CFAP299: variants seen among roughly 807,000 people sequenced by gnomAD.
CFAP299 encodes cilia and flagella associated protein 299.
In CFAP299, 21 loss-of-function variants were observed where a neutral mutation model predicts 27.0. The ratio of observed to expected loss-of-function variants is 0.78; its 90% CI spans 0.55 to 1.12. CFAP299 has a LOEUF of 1.12. Ranked by LOEUF, CFAP299 falls within the 50% of genes most tolerant of loss-of-function variation. The pLI, the probability that CFAP299 is intolerant of heterozygous loss-of-function variation, is 0.00. For missense variants in CFAP299, 310 were observed against 276.6 expected (o/e 1.12, Z -0.86); for synonymous variants, 104 against 98.1 (o/e 1.06, Z -0.36).
chr4:80,546,352 A>G (rs1734228382), intron 2 of CFAP299, among the ~76,000 whole-genome samples: 1 of 152,208 alleles, frequency 6.6e-6, no homozygotes, highest in Non-Finnish European at 1.5e-5. Context: ...TCAGAGCCAC[A>G]TCAGCAATGC....
chr4:80,823,607 T>C (rs562717551), intron 3 of CFAP299, among the ~76,000 whole-genome samples: 1 of 152,228 alleles, frequency 6.6e-6, no homozygotes, highest in Admixed American at 6.5e-5. Context: ...TTAAGGAGCA[T>C]CTTCAGGAAC....
rs546483817 is a variant in CFAP299 at position 80,794,909 on chromosome 4, G to C, written c.334-75084G>C. Among the ~76,000 whole-genome samples, 5 of 152,286 alleles carry C rather than the reference G, an allele frequency of 3.3e-5. No homozygotes were observed. The South Asian group carries it at 1.0e-3, about 32-fold the overall frequency. ...GGGCTCAGTGTTGGTATCTGCTGCT[G>C]GCAAATGGGGCACTCAACAGTGGCC... On this transcript the variant is annotated intron_variant, in intron 3 of 5. Coordinates refer to ENST00000358105, the MANE Select transcript of CFAP299 (RefSeq NM_152770.3).
intron 5 of CFAP299, among the ~76,000 whole-genome samples, chr4:80,950,634 G>A (rs147192143): frequency 6.6e-6 from 1 of 152,272 alleles, no homozygotes; most frequent in East Asian, 1.9e-4. Context: ...CACAAAACAT[G>A]AGGCTGTGAA....
At chr4:80,878,017 T>C (rs966243503) in intron 4 of CFAP299, among the ~76,000 whole-genome samples, 49 of 152,270 alleles carry the variant, frequency 3.2e-4, no homozygotes, top group African/African-American at 1.2e-3. Flanking sequence ...AACATCACCA[T>C]TATTTTAGAT....
chr4:80,934,340 T>C (rs1448597221), intron 4 of CFAP299, among the ~76,000 whole-genome samples: 2 of 152,134 alleles, frequency 1.3e-5, no homozygotes, highest in Admixed American at 6.6e-5. Flanking sequence ...AGAATTTTCA[T>C]CTATGTTTAT....
chr4:80,606,601 G>T (rs1461787499), intron 3 of CFAP299, among the ~76,000 whole-genome samples: 1 of 152,082 alleles, frequency 6.6e-6, no homozygotes, highest in Non-Finnish European at 1.5e-5. Context: ...ATGTACATTT[G>T]TTTCTTAAAG....
intron 2 of CFAP299, among the ~76,000 whole-genome samples, chr4:80,385,180 AT>A (rs2110024240): frequency 6.6e-6 from 1 of 152,248 alleles, no homozygotes; most frequent in South Asian, 2.1e-4. Flanking sequence ...TGTGCCATAC[AT>A]CTTGAGAGCT....
intron 4 of CFAP299, among the ~76,000 whole-genome samples, chr4:80,902,586 T>TATATACACACACACACAC (rs370673737): frequency 7.9e-6 from 1 of 126,674 alleles, no homozygotes; most frequent in African/African-American, 3.0e-5. Context: ...ATGTAATATA[T>TATATACACACACACACAC]ACACACACAC....
intron 2 of CFAP299, among the ~76,000 whole-genome samples, chr4:80,405,686 T>C (rs1388536351): frequency 6.6e-6 from 1 of 152,074 alleles, no homozygotes; most frequent in Admixed American, 6.6e-5. Context: ...ATATTAGTAT[T>C]TAAGCACATC....
At chr4:80,496,112 C>T (rs1731426642) in intron 2 of CFAP299, among the ~76,000 whole-genome samples, 1 of 152,198 alleles carries the variant, frequency 6.6e-6, no homozygotes, top group African/African-American at 2.4e-5. Context: ...ATTTCTCCAG[C>T]AAGTGGTGGC....
At chr4:80,554,752 T>C (rs934276047) in intron 2 of CFAP299, among the ~76,000 whole-genome samples, 1 of 152,136 alleles carries the variant, frequency 6.6e-6, no homozygotes, top group African/African-American at 2.4e-5. Flanking sequence ...TTTTATTTTT[T>C]GTGTGACAGT....
At chr4:80,888,689 G>A (rs1734091845) in intron 4 of CFAP299, among the ~76,000 whole-genome samples, 2 of 151,872 alleles carry the variant, frequency 1.3e-5, no homozygotes, top group Admixed American at 1.3e-4. Flanking sequence ...TCCTCTCATG[G>A]ATCATTCTCA....
At chr4:80,521,050 C>T (rs999847051) in intron 2 of CFAP299, among the ~76,000 whole-genome samples, 8 of 151,992 alleles carry the variant, frequency 5.3e-5, no homozygotes, top group African/African-American at 1.9e-4. Flanking sequence ...GAAACTTTTG[C>T]GATTAAAACA....
chr4:80,858,566 A>C (rs149196286), intron 3 of CFAP299, among the ~76,000 whole-genome samples: 21,967 of 151,434 alleles, frequency 0.15, 1,907 homozygotes, highest in Middle Eastern at 0.26. Flanking sequence ...ATTTCCCTCT[A>C]CACACTGCTT....
intron 4 of CFAP299, among the ~76,000 whole-genome samples, chr4:80,891,756 A>C (rs1578216853): frequency 1.2e-5 from 1 of 82,754 alleles, no homozygotes; most frequent in Admixed American, 1.2e-4. Flanking sequence ...CCTAAAACTT[A>C]GAGTATAATA....
chr4:80,783,926 G>A (rs1262908291), intron 3 of CFAP299, among the ~76,000 whole-genome samples: 2 of 146,896 alleles, frequency 1.4e-5, no homozygotes, highest in Non-Finnish European at 3.0e-5. Context: ...TGGTAACACC[G>A]TTTTACTCTC....
intron 3 of CFAP299, among the ~76,000 whole-genome samples, chr4:80,720,872 A>G (rs1055799419): frequency 6.6e-6 from 1 of 152,180 alleles, no homozygotes; most frequent in African/African-American, 2.4e-5. Flanking sequence ...TCCATATTCA[A>G]AAAATTAGAT....
At chr4:80,382,630 A>C (rs925357209) in intron 2 of CFAP299, among the ~76,000 whole-genome samples, 1 of 152,154 alleles carries the variant, frequency 6.6e-6, no homozygotes, top group Non-Finnish European at 1.5e-5. Flanking sequence ...CAAAACCACA[A>C]ATGAGAATAT....
At chr4:80,672,429 C>T (rs935966515) in intron 3 of CFAP299, among the ~76,000 whole-genome samples, 7 of 152,280 alleles carry the variant, frequency 4.6e-5, no homozygotes, top group East Asian at 3.9e-4. Context: ...AGGATTTTCA[C>T]GTTGATGTTC....
Sources: allele counts gnomAD v4.1 joint callset (sites outside exome capture counted in the v4.1 genomes callset), GRCh38; gene constraint gnomAD v4.1.1; transcripts MANE v1.5; gene names NCBI Gene and HGNC (gene_info 2026-07-23, HGNC 2026-07-21).